Variants in FRMPD4 observed in about 807,000 individuals in gnomAD.
The protein encoded by FRMPD4 is FERM and PDZ domain containing 4, also known as FERM and PDZ domain-containing protein 4.
In FRMPD4, 22 loss-of-function variants were observed where a neutral mutation model predicts 94.1. The ratio of observed to expected loss-of-function variants is 0.23; its 90% confidence interval spans 0.17 to 0.33. The LOEUF (loss-of-function observed/expected upper bound fraction) is 0.33. Ranked by LOEUF, FRMPD4 falls within the 10% of genes least tolerant of loss-of-function variation. The probability of loss-of-function intolerance (pLI) is 1.00; values close to 1 mark genes in which losing one functional copy is unlikely to be tolerated. For synonymous variants in FRMPD4, 631 were observed against 548.6 expected (o/e 1.15, Z -2.10); for missense variants, 1,111 against 1,339.9 (o/e 0.83, Z 2.67).
At chrX:11,897,389 A>G (rs985766430) in intron 3 of FRMPD4, among the ~76,000 whole-genome samples, 1 of 111,225 alleles carries the variant, frequency 9.0e-6, no homozygotes, top group Non-Finnish European at 1.9e-5. Context: ...ATATTTACGA[A>G]TAAATGGTAC....
intron 1 of FRMPD4, among the ~76,000 whole-genome samples, chrX:12,312,801 T>G (rs1291682176): frequency 1.8e-5 from 2 of 108,840 alleles, no homozygotes; most frequent in African/African-American, 6.6e-5. Flanking sequence ...GACCAAGTGC[T>G]TTCTTATGGT....
chrX:12,267,205 G>A (rs767396968), intron 1 of FRMPD4, among the ~76,000 whole-genome samples: 1 of 111,871 alleles, frequency 8.9e-6, no homozygotes, highest in South Asian at 3.8e-4. Context: ...ATAATCAAGA[G>A]GGAGAAAGAA....
At chrX:11,852,387 A>G (rs1429455699) in intron 1 of FRMPD4, among the ~76,000 whole-genome samples, 2 of 101,144 alleles carry the variant, frequency 2.0e-5, no homozygotes, top group Non-Finnish European at 2.0e-5. Flanking sequence ...GGCTGCAGAG[A>G]GCCATAATCA....
chrX:12,207,512 GT>G (rs1569191733), intron 1 of FRMPD4, among the ~76,000 whole-genome samples: 1 of 109,898 alleles, frequency 9.1e-6, no homozygotes, highest in African/African-American at 3.3e-5. Flanking sequence ...TGTAAAAATC[GT>G]TGTTTGAAAG....
chrX:12,509,685 G>T (rs12850211), intron 2 of FRMPD4, among the ~76,000 whole-genome samples: 1,545 of 110,753 alleles, frequency 0.014, 14 homozygotes, highest in Non-Finnish European at 0.023. Context: ...CACCACTAAA[G>T]AACTTACTCA....
At chrX:11,902,752 G>A (rs922490320) in intron 3 of FRMPD4, among the ~76,000 whole-genome samples, 1 of 111,054 alleles carries the variant, frequency 9.0e-6, no homozygotes, top group Admixed American at 9.6e-5. Flanking sequence ...GAATGGAATC[G>A]AAATGGAAAT....
At chrX:11,915,884 A>G (rs2054022299) in intron 3 of FRMPD4, among the ~76,000 whole-genome samples, 1 of 112,032 alleles carries the variant, frequency 8.9e-6, no homozygotes, top group South Asian at 3.7e-4. Flanking sequence ...GAGGGCTGCT[A>G]TGAGGATTCA....
intron 2 of FRMPD4, among the ~76,000 whole-genome samples, chrX:11,875,643 C>T (rs936333157): frequency 1.8e-5 from 2 of 111,452 alleles, no homozygotes; most frequent in African/African-American, 6.5e-5. Flanking sequence ...CATCTCAGAA[C>T]ACCATTCTGC....
intron 1 of FRMPD4, among the ~76,000 whole-genome samples, chrX:12,344,246 C>T (rs764404001): frequency 4.5e-5 from 5 of 111,690 alleles, no homozygotes; most frequent in African/African-American, 6.5e-5. Flanking sequence ...TGTAGGTCTT[C>T]GTTGAAGGTC....
intron 1 of FRMPD4, among the ~76,000 whole-genome samples, chrX:12,369,582 A>G (rs1333128946): frequency 2.7e-5 from 3 of 112,737 alleles, no homozygotes; most frequent in Non-Finnish European, 5.6e-5. Context: ...AAGGTGGCCA[A>G]TAACCATGCC....
intron 1 of FRMPD4, among the ~76,000 whole-genome samples, chrX:12,204,559 T>C (rs973044986): frequency 3.6e-5 from 4 of 111,465 alleles, no homozygotes; most frequent in African/African-American, 1.3e-4. Context: ...TTTGGGTTTG[T>C]TCCATTCTGA....
intron 3 of FRMPD4, among the ~76,000 whole-genome samples, chrX:12,087,436 C>G (rs2055119977): frequency 8.9e-6 from 1 of 111,861 alleles, no homozygotes; most frequent in African/African-American, 3.2e-5. Flanking sequence ...ATTCCTTGCT[C>G]TTTGTTGATA....
intron 3 of FRMPD4, among the ~76,000 whole-genome samples, chrX:11,998,653 C>T (rs1046574980): frequency 4.5e-5 from 5 of 110,574 alleles, no homozygotes; most frequent in Non-Finnish European, 7.6e-5. Context: ...AAAGTTCTGC[C>T]GAAAAAGGGG....
At chrX:12,714,993 C>T (rs1484994493) in intron 14 of FRMPD4, among the ~76,000 whole-genome samples, 2 of 112,397 alleles carry the variant, frequency 1.8e-5, no homozygotes, top group Non-Finnish European at 3.8e-5. Context: ...GCAAAAATCT[C>T]TTAGGTAAAA....
chrX:12,545,667 A>G (rs1380942225), intron 2 of FRMPD4, among the ~76,000 whole-genome samples: 1 of 113,082 alleles, frequency 8.8e-6, no homozygotes, highest in Non-Finnish European at 1.9e-5. Context: ...GACTGGTTAC[A>G]TCTACAGCTT....
intron 1 of FRMPD4, among the ~76,000 whole-genome samples, chrX:12,468,364 C>A (rs2057471820): frequency 9.0e-6 from 1 of 111,650 alleles, no homozygotes; most frequent in Non-Finnish European, 1.9e-5. Context: ...AAAGAGATAC[C>A]ATGCAAAGGC....
At chrX:12,270,855 A>G (rs1447241345) in intron 1 of FRMPD4, among the ~76,000 whole-genome samples, 1 of 111,492 alleles carries the variant, frequency 9.0e-6, no homozygotes, top group African/African-American at 3.3e-5. Flanking sequence ...AGCAGTGTCA[A>G]TTTTCTGGTT....
At chrX:11,843,374 A>G (rs976955940) in intron 1 of FRMPD4, among the ~76,000 whole-genome samples, 2 of 108,610 alleles carry the variant, frequency 1.8e-5, no homozygotes, top group Non-Finnish European at 3.8e-5. Flanking sequence ...TCCTTTTCCT[A>G]CTCCCTCTTT....
chrX:11,950,054 C>T (rs757128069), intron 3 of FRMPD4, among the ~76,000 whole-genome samples: 71 of 111,670 alleles, frequency 6.4e-4, no homozygotes, highest in African/African-American at 2.1e-3. Context: ...ATAATCCCCA[C>T]GTGTCAAGGG....
Sources: gnomAD v4.1 joint callset for allele counts (sites outside exome capture counted in the v4.1 genomes callset) on GRCh38, gnomAD v4.1.1 for gene constraint, MANE v1.5 for transcripts, NCBI Gene and HGNC (gene_info 2026-07-23, HGNC 2026-07-21) for gene names.